CEP112: variants seen among roughly 807,000 people sequenced by gnomAD.
CEP112 encodes the protein centrosomal protein 112.
In CEP112, 127 loss-of-function variants were observed where a neutral mutation model predicts 153.0. The observed-to-expected ratio is 0.83, with a 90% CI of 0.72 to 0.96. CEP112 has a LOEUF of 0.96. Ranked by LOEUF, CEP112 falls within the 40% of genes least tolerant of loss-of-function variation. The pLI, the probability that CEP112 is intolerant of heterozygous loss-of-function variation, is 0.00. For synonymous variants in CEP112, 358 were observed against 374.4 expected (o/e 0.96, Z 0.51); for missense variants, 1,089 against 1,101.2 (o/e 0.99, Z 0.16).
chr17:66,079,362 C>CA (rs2067627490), intron 8 of CEP112, among the ~76,000 whole-genome samples: 1 of 152,074 alleles, frequency 6.6e-6, no homozygotes, highest in East Asian at 1.9e-4. Flanking sequence ...TAAAGTTTAT[C>CA]AAAAAAGGCA....
chr17:65,883,607 C>T (rs1206669522), intron 20 of CEP112, among the ~76,000 whole-genome samples: 5 of 152,118 alleles, frequency 3.3e-5, no homozygotes, highest in African/African-American at 4.8e-5. Context: ...TCATGATCTG[C>T]CTGCCTTCCT....
chr17:65,982,612 G>A (rs1472655362), intron 17 of CEP112, among the ~76,000 whole-genome samples: 1 of 152,188 alleles, frequency 6.6e-6, no homozygotes, highest in Non-Finnish European at 1.5e-5. Flanking sequence ...TAGGGTAAAA[G>A]GGAAATGTGT....
chr17:66,009,717 G>T (rs11079623), intron 16 of CEP112, among the ~76,000 whole-genome samples: 62,494 of 151,970 alleles, frequency 0.41, 14,313 homozygotes, highest in East Asian at 0.87. Context: ...CATTGAATAG[G>T]GAGTCATTTC....
intron 24 of CEP112, among the ~76,000 whole-genome samples, chr17:65,687,784 C>A (rs919883627): frequency 2.0e-5 from 3 of 152,160 alleles, no homozygotes; most frequent in African/African-American, 7.2e-5. Flanking sequence ...GAAAAGAAAA[C>A]CTTCCCTATC....
intron 19 of CEP112, among the ~76,000 whole-genome samples, chr17:65,916,703 T>G (rs1247431894): frequency 2.0e-5 from 3 of 147,758 alleles, no homozygotes; most frequent in African/African-American, 7.4e-5. Context: ...CAAGCCACCA[T>G]GCCAGTCTAA....
intron 21 of CEP112, among the ~76,000 whole-genome samples, chr17:65,838,998 T>A (rs2057420393): frequency 6.6e-6 from 1 of 152,104 alleles, no homozygotes; most frequent in African/African-American, 2.4e-5. Flanking sequence ...CATAATGAGA[T>A]TGAAGCAGTA....
At chr17:65,828,889 T>TC (rs2056960317) in intron 21 of CEP112, among the ~76,000 whole-genome samples, 1 of 151,832 alleles carries the variant, frequency 6.6e-6, no homozygotes, top group Non-Finnish European at 1.5e-5. Flanking sequence ...TTTTTTTTTT[T>TC]CAGTTTTGAC....
intron 17 of CEP112, among the ~76,000 whole-genome samples, chr17:65,980,350 G>A (rs2063184323): frequency 6.6e-6 from 1 of 152,174 alleles, no homozygotes; most frequent in Non-Finnish European, 1.5e-5. Flanking sequence ...ATTTAGGAAG[G>A]AATAAAGGAA....
chr17:66,074,171 C>T (rs1006811048), intron 8 of CEP112, among the ~76,000 whole-genome samples: 1 of 151,804 alleles, frequency 6.6e-6, no homozygotes, highest in African/African-American at 2.4e-5. Context: ...AATGAAAATT[C>T]CAGAATCGAA....
intron 4 of CEP112, among the ~76,000 whole-genome samples, chr17:66,157,138 G>A (rs1310640776): frequency 2.0e-5 from 3 of 152,172 alleles, no homozygotes; most frequent in African/African-American, 7.2e-5. Flanking sequence ...GAAAGGTCAC[G>A]TTACCCACAA....
At chr17:65,846,714 G>A (rs776281338) in intron 21 of CEP112, among the ~76,000 whole-genome samples, 45 of 152,086 alleles carry the variant, frequency 3.0e-4, no homozygotes, top group Non-Finnish European at 5.9e-4. Context: ...GACTACAGGC[G>A]CCCGCCACCA....
At chr17:66,100,666 TAC>T (rs539925230) in intron 6 of CEP112, among the ~76,000 whole-genome samples, 137 of 152,142 alleles carry the variant, frequency 9.0e-4, no homozygotes, top group African/African-American at 3.0e-3. Context: ...AATAAAATAA[TAC>T]CTGAATCATA....
At chr17:65,770,324 A>G (rs1467675880) in intron 21 of CEP112, among the ~76,000 whole-genome samples, 2 of 152,136 alleles carry the variant, frequency 1.3e-5, no homozygotes, top group South Asian at 2.1e-4. Context: ...AGAGAACAAT[A>G]CAATGAATCT....
chr17:66,182,182 G>A (rs1451772593), intron 2 of CEP112: 3 of 152,034 alleles, frequency 2.0e-5, no homozygotes, highest in African/African-American at 7.2e-5. Flanking sequence ...GAAAGAAAGA[G>A]GGAAATTACT....
chr17:66,017,698 TA>T (rs556012360), intron 16 of CEP112, among the ~76,000 whole-genome samples: 12 of 150,104 alleles, frequency 8.0e-5, no homozygotes, highest in South Asian at 4.2e-4. Flanking sequence ...TTTGGTGGGT[TA>T]AAAAAAAAAT....
chr17:65,783,966 C>T (rs1392694171), intron 21 of CEP112, among the ~76,000 whole-genome samples: 1 of 152,126 alleles, frequency 6.6e-6, no homozygotes, highest in Non-Finnish European at 1.5e-5. Context: ...ATTTAACTTT[C>T]CTGGGTATTA....
At chr17:65,937,649 C>T (rs1336883096) in intron 18 of CEP112, among the ~76,000 whole-genome samples, 1 of 81,132 alleles carries the variant, frequency 1.2e-5, no homozygotes, top group African/African-American at 3.9e-5. Flanking sequence ...GCCAGCCGCC[C>T]TGTCCGGGAG....
intron 23 of CEP112, among the ~76,000 whole-genome samples, chr17:65,719,551 C>T (rs1274294238): frequency 6.6e-6 from 1 of 152,100 alleles, no homozygotes; most frequent in African/African-American, 2.4e-5. Context: ...CACCGCACTC[C>T]AGCCTGGGTG....
chr17:66,162,841 T>C (rs537272042), intron 4 of CEP112, among the ~76,000 whole-genome samples: 153 of 152,288 alleles, frequency 1.0e-3, no homozygotes, highest in African/African-American at 3.6e-3. Flanking sequence ...ATATATACAT[T>C]TTGTAAAACT....
Sources: allele counts gnomAD v4.1 joint callset (sites outside exome capture counted in the v4.1 genomes callset), GRCh38; gene constraint gnomAD v4.1.1; transcripts MANE v1.5; gene names NCBI Gene and HGNC (gene_info 2026-07-23, HGNC 2026-07-21).